The following ADK variants were observed in gnomAD, a reference collection of about 807,000 sequenced individuals.
ADK encodes adenosine kinase.
ADK carries 24 observed loss-of-function variants against 44.7 expected under a neutral mutation model. The ratio of observed to expected loss-of-function variants is 0.54; its 90% CI spans 0.39 to 0.76. The LOEUF (loss-of-function observed/expected upper bound fraction) is 0.76, where lower values mean the gene tolerates loss of function less well. ADK is among the 30% of genes least tolerant of loss of function. The pLI is 0.00. For synonymous variants in ADK, 128 were observed against 142.6 expected (o/e 0.90, Z 0.73); for missense variants, 321 against 425.1 (o/e 0.76, Z 2.15).
chr10:74,460,737 T>C (rs959387592), intron 6 of ADK, among the ~76,000 whole-genome samples: 1 of 152,190 alleles, frequency 6.6e-6, no homozygotes, highest in East Asian at 1.9e-4. Flanking sequence ...AAGGTTGTTT[T>C]TGTTTGTGTC....
rs778828481 is a variant in ADK at position 74,200,874 on chromosome 10, C to T, written c.140+36C>T. On this transcript the variant is annotated intron_variant, in intron 2 of 10. Coordinates refer to ENST00000539909, the MANE Select transcript of ADK (RefSeq NM_006721.4). Reference sequence around the variant, plus strand: ...AACTCTTCATATGCACTATGTGGAACTTACATTTGAAGAAGAATGGATGAA... The same window carrying T: ...AACTCTTCATATGCACTATGTGGAATTTACATTTGAAGAAGAATGGATGAA... 3.0e-6 allele frequency: 4 copies of T among 1,332,824 alleles called. No homozygotes were observed. The African/African-American group carries it at 5.8e-5, about 19-fold the overall frequency. The allele number at this position is 1,332,824 out of a possible 1,614,324, so 82.6% of individuals were successfully genotyped here.
intron 7 of ADK, among the ~76,000 whole-genome samples, chr10:74,575,477 G>C (rs1851151974): frequency 6.6e-6 from 1 of 152,166 alleles, no homozygotes; most frequent in African/African-American, 2.4e-5. Flanking sequence ...GCAAAAGATG[G>C]CTGAACTAAC....
intron 3 of ADK, among the ~76,000 whole-genome samples, chr10:74,265,128 A>G (rs1184771357): frequency 6.6e-6 from 1 of 152,138 alleles, no homozygotes; most frequent in Non-Finnish European, 1.5e-5. Flanking sequence ...AATGAAAATA[A>G]CAGTGATAAT....
At chr10:74,192,373 G>A (rs1056012053) in intron 1 of ADK, among the ~76,000 whole-genome samples, 3 of 151,856 alleles carry the variant, frequency 2.0e-5, no homozygotes, top group South Asian at 2.1e-4. Flanking sequence ...GATTACAGGC[G>A]CACACTACCA....
intron 6 of ADK, among the ~76,000 whole-genome samples, chr10:74,510,322 G>A (rs1200998589): frequency 6.6e-6 from 1 of 151,870 alleles, no homozygotes; most frequent in Non-Finnish European, 1.5e-5. Flanking sequence ...AGTGATGTTG[G>A]GCACTTTTTC....
intron 4 of ADK, among the ~76,000 whole-genome samples, chr10:74,367,278 T>C (rs559575816): frequency 1.3e-5 from 2 of 152,332 alleles, no homozygotes; most frequent in South Asian, 4.1e-4. Context: ...AAATGATTTT[T>C]GAAGAATGCT....
intron 6 of ADK, among the ~76,000 whole-genome samples, chr10:74,458,460 A>T (rs1213205891): frequency 4.0e-5 from 6 of 151,862 alleles, no homozygotes; most frequent in Non-Finnish European, 8.8e-5. Context: ...TTTAGTGCAG[A>T]ATAGTTGTGA....
intron 4 of ADK, among the ~76,000 whole-genome samples, chr10:74,356,623 G>C (rs980123731): frequency 2.0e-5 from 3 of 152,092 alleles, no homozygotes; most frequent in East Asian, 3.8e-4. Flanking sequence ...CTCCTGTTCA[G>C]TACATCTCTA....
At chr10:74,532,307 A>G (rs186092028) in intron 7 of ADK, among the ~76,000 whole-genome samples, 2 of 152,030 alleles carry the variant, frequency 1.3e-5, no homozygotes, top group Non-Finnish European at 2.9e-5. Flanking sequence ...GCAAAACCTC[A>G]TCTCTACTAA....
chr10:74,335,260 T>G (rs1012574893), intron 4 of ADK, among the ~76,000 whole-genome samples: 1 of 152,168 alleles, frequency 6.6e-6, no homozygotes, highest in Non-Finnish European at 1.5e-5. Flanking sequence ...TTTATTTTAT[T>G]TATTTATTTT....
intron 6 of ADK, among the ~76,000 whole-genome samples, chr10:74,469,544 T>C (rs944341568): frequency 6.6e-6 from 1 of 151,990 alleles, no homozygotes; most frequent in South Asian, 2.1e-4. Context: ...AAAAATTTTT[T>C]GTAGAGCTGG....
chr10:74,204,750 T>G (rs891573843), intron 2 of ADK, among the ~76,000 whole-genome samples: 4 of 152,098 alleles, frequency 2.6e-5, no homozygotes, highest in Non-Finnish European at 5.9e-5. Flanking sequence ...TTTCTTTTTC[T>G]GTCAAATTTC....
At chr10:74,341,936 C>G (rs1481997118) in intron 4 of ADK, among the ~76,000 whole-genome samples, 3 of 152,068 alleles carry the variant, frequency 2.0e-5, no homozygotes, top group Non-Finnish European at 4.4e-5. Flanking sequence ...CAAATGATAT[C>G]ACTTCTTGGT....
At chr10:74,279,602 G>A (rs1333055385) in intron 3 of ADK, among the ~76,000 whole-genome samples, 2 of 151,458 alleles carry the variant, frequency 1.3e-5, no homozygotes, top group South Asian at 4.2e-4. Flanking sequence ...AAAATTGAGT[G>A]CCTTTTACCC....
At chr10:74,639,263 CTT>C (rs1483196330) in intron 9 of ADK, among the ~76,000 whole-genome samples, 1 of 152,152 alleles carries the variant, frequency 6.6e-6, no homozygotes, top group African/African-American at 2.4e-5. Context: ...GTCATATACT[CTT>C]AATATTGCTA....
intron 7 of ADK, among the ~76,000 whole-genome samples, chr10:74,572,896 A>G (rs1428363507): frequency 1.3e-5 from 2 of 152,020 alleles, no homozygotes; most frequent in Non-Finnish European, 1.5e-5. Context: ...TTCTAGTTAT[A>G]TATTCATCTA....
At chr10:74,219,808 T>G (rs1378781586) in intron 2 of ADK, among the ~76,000 whole-genome samples, 1 of 151,344 alleles carries the variant, frequency 6.6e-6, no homozygotes, top group Non-Finnish European at 1.5e-5. Context: ...ATAAAGATGT[T>G]CTTTGAAACC....
At chr10:74,519,320 T>C (rs752317780) in intron 6 of ADK, among the ~76,000 whole-genome samples, 14 of 151,996 alleles carry the variant, frequency 9.2e-5, no homozygotes, top group Non-Finnish European at 1.6e-4. Flanking sequence ...TTTAAATTAA[T>C]GAAAGTAAAT....
At chr10:74,176,097 T>C (rs545800716) in intron 1 of ADK, among the ~76,000 whole-genome samples, 33 of 152,302 alleles carry the variant, frequency 2.2e-4, no homozygotes, top group Admixed American at 1.8e-3. Flanking sequence ...CTGATTCACC[T>C]GGTAACTTGC....
Sources: gnomAD v4.1 joint callset for allele counts (sites outside exome capture counted in the v4.1 genomes callset) on GRCh38, gnomAD v4.1.1 for gene constraint, MANE v1.5 for transcripts, NCBI Gene and HGNC (gene_info 2026-07-23, HGNC 2026-07-21) for gene names.